The following MINPP1 variants were observed in gnomAD, a reference collection of about 807,000 sequenced individuals.
The protein encoded by MINPP1 is multiple inositol polyphosphate phosphatase 1.
In MINPP1, 28 loss-of-function variants were observed where a neutral mutation model predicts 46.1. The observed-to-expected ratio is 0.61, with a 90% CI of 0.45 to 0.83. The LOEUF (loss-of-function observed/expected upper bound fraction) is 0.83, where lower values mean the gene tolerates loss of function less well. MINPP1 is among the 40% of genes least tolerant of loss of function. The probability of loss-of-function intolerance (pLI) is 0.00; values close to 1 mark genes in which losing one functional copy is unlikely to be tolerated. For missense variants in MINPP1, 603 were observed against 610.0 expected (o/e 0.99, Z 0.12); for synonymous variants, 268 against 249.1 (o/e 1.08, Z -0.72).
chr10:87,537,189 A>T (rs1383863025), intron 4 of MINPP1, among the ~76,000 whole-genome samples: 2 of 152,102 alleles, frequency 1.3e-5, no homozygotes, highest in Non-Finnish European at 2.9e-5. Context: ...CACCCACCTC[A>T]GCCTCCCAAA....
intron 4 of MINPP1, among the ~76,000 whole-genome samples, chr10:87,539,295 CTT>C (rs1246335586): frequency 6.6e-6 from 1 of 152,152 alleles, no homozygotes; most frequent in Non-Finnish European, 1.5e-5. Flanking sequence ...GGTTTTGTCA[CTT>C]TTTGGAAAAT....
intron 1 of MINPP1, among the ~76,000 whole-genome samples, chr10:87,506,912 G>T (rs915469760): frequency 1.3e-5 from 2 of 151,504 alleles, no homozygotes; most frequent in African/African-American, 2.4e-5. Flanking sequence ...GTTGAACTGT[G>T]TTTTTTTTTA....
chr10:87,544,588 A>G (rs1032455124), intron 4 of MINPP1, among the ~76,000 whole-genome samples: 16 of 152,212 alleles, frequency 1.1e-4, no homozygotes, highest in Admixed American at 7.2e-4. Context: ...ATGCAAAAAG[A>G]CAGCACTTTG....
At chr10:87,539,993 A>G (rs1038032498) in intron 4 of MINPP1, among the ~76,000 whole-genome samples, 9 of 152,196 alleles carry the variant, frequency 5.9e-5, no homozygotes, top group African/African-American at 1.7e-4. Context: ...CAGCCTCCCA[A>G]GTAGCTGGGA....
At chr10:87,513,726 T>A (rs1851369251) in intron 3 of MINPP1, among the ~76,000 whole-genome samples, 1 of 152,174 alleles carries the variant, frequency 6.6e-6, no homozygotes, top group African/African-American at 2.4e-5. Flanking sequence ...CCTTTATCAC[T>A]CTCTCTACTA....
chr10:87,528,895 G>A lies in MINPP1; in HGVS notation c.1067+7726G>A, dbSNP rs565558547. Among the ~76,000 whole-genome samples, 4 of 152,300 alleles carry A rather than the reference G, an allele frequency of 2.6e-5. No individual in the cohort carries two copies. In the South Asian group the frequency reaches 8.3e-4, roughly 32 times the overall value. On this transcript the variant is annotated intron_variant, in intron 4 of 4. Coordinates refer to ENST00000371996, the MANE Select transcript of MINPP1 (RefSeq NM_004897.5). The stretch of plus-strand genomic sequence containing the variant: ...TTGCTTTATGAATCTGGGTGCTCGT[G>A]TATTGGGTGCATATATATTTGGGAT...
At chr10:87,551,719 C>T (rs1851965845) in intron 4 of MINPP1, among the ~76,000 whole-genome samples, 1 of 152,006 alleles carries the variant, frequency 6.6e-6, no homozygotes, top group Admixed American at 6.6e-5. Context: ...TTACTAAGGG[C>T]CAGGTTGCTC....
At chr10:87,532,892 A>G (rs1212765576) in intron 4 of MINPP1, among the ~76,000 whole-genome samples, 1 of 152,148 alleles carries the variant, frequency 6.6e-6, no homozygotes, top group East Asian at 1.9e-4. Context: ...CCACACATTG[A>G]CAGTCAGGCA....
chr10:87,528,708 G>T (rs1375601503), intron 4 of MINPP1, among the ~76,000 whole-genome samples: 1 of 152,202 alleles, frequency 6.6e-6, no homozygotes, highest in Non-Finnish European at 1.5e-5. Flanking sequence ...GGAGAGTTCT[G>T]TAGATGTCTA....
At chr10:87,538,854 TAGAA>T (rs1234118654) in intron 4 of MINPP1, among the ~76,000 whole-genome samples, 5 of 152,240 alleles carry the variant, frequency 3.3e-5, no homozygotes, top group African/African-American at 1.2e-4. Context: ...ATTAAGAGCT[TAGAA>T]AGATCTAGCT....
intron 4 of MINPP1, among the ~76,000 whole-genome samples, chr10:87,521,696 T>C (rs1851503940): frequency 1.3e-5 from 2 of 152,244 alleles, no homozygotes; most frequent in Non-Finnish European, 2.9e-5. Flanking sequence ...GAATATACCA[T>C]CTACTCTTGT....
chr10:87,513,079 G>A, intron 2 of MINPP1, 45 bp from the exon 3 acceptor site: 1 of 1,404,060 alleles, frequency 7.1e-7, no homozygotes, highest in Non-Finnish European at 1.0e-6. Flanking sequence ...TTGAAAAATT[G>A]CAGAAAATAA....
At chr10:87,540,327 G>C (rs1851795772) in intron 4 of MINPP1, among the ~76,000 whole-genome samples, 1 of 152,182 alleles carries the variant, frequency 6.6e-6, no homozygotes, top group African/African-American at 2.4e-5. Flanking sequence ...ATACATGCAA[G>C]AGGTTTTATA....
At chr10:87,532,262 C>G (rs1564678978) in intron 4 of MINPP1, among the ~76,000 whole-genome samples, 1 of 152,186 alleles carries the variant, frequency 6.6e-6, no homozygotes, top group Non-Finnish European at 1.5e-5. Context: ...TGCCTTGTGG[C>G]TTGAAAGGAA....
intron 4 of MINPP1, among the ~76,000 whole-genome samples, chr10:87,538,622 T>C (rs1851771393): frequency 6.6e-6 from 1 of 152,230 alleles, no homozygotes; most frequent in Non-Finnish European, 1.5e-5. Flanking sequence ...TTGGTGCTTC[T>C]CCAAATACTC....
intron 4 of MINPP1, among the ~76,000 whole-genome samples, chr10:87,535,653 C>T (rs529708269): frequency 6.6e-6 from 1 of 152,124 alleles, no homozygotes; most frequent in African/African-American, 2.4e-5. Flanking sequence ...CCTGGCCTGG[C>T]GTGGTGGCTC....
At chr10:87,528,301 A>G (rs1270789368) in intron 4 of MINPP1, among the ~76,000 whole-genome samples, 7 of 152,218 alleles carry the variant, frequency 4.6e-5, no homozygotes, top group South Asian at 4.1e-4. Flanking sequence ...TTGTGATGTT[A>G]GGGTGTCAAT....
chr10:87,546,257 TATAGGGTA>T (rs1851884900), intron 4 of MINPP1, among the ~76,000 whole-genome samples: 1 of 152,058 alleles, frequency 6.6e-6, no homozygotes, highest in African/African-American at 2.4e-5. Context: ...TTTTAGACCT[TATAGGGTA>T]ACTTCCAGGA....
Position 87,530,785 on chromosome 10 carries a change from C to T in MINPP1, c.1067+9616C>T, listed in dbSNP as rs985261632. Among the ~76,000 whole-genome samples, 9 of 152,336 alleles carry T rather than the reference C, an allele frequency of 5.9e-5. No individual in the cohort carries two copies. The South Asian group carries it at 6.2e-4, about 11-fold the overall frequency. On this transcript the variant is annotated intron_variant, in intron 4 of 4. Coordinates refer to ENST00000371996, the MANE Select transcript of MINPP1 (RefSeq NM_004897.5). Reference sequence around the variant, plus strand: ...GTTTCTGCTGCATTTTGTTCAGCTACGCCCTGCCCCCAGAGGTGGAGTCTA... The same window carrying T: ...GTTTCTGCTGCATTTTGTTCAGCTATGCCCTGCCCCCAGAGGTGGAGTCTA...
Sources: gnomAD v4.1 joint callset for allele counts (sites outside exome capture counted in the v4.1 genomes callset) on GRCh38, gnomAD v4.1.1 for gene constraint, MANE v1.5 for transcripts, NCBI Gene and HGNC (gene_info 2026-07-23, HGNC 2026-07-21) for gene names.